Variants in FSTL5 observed in about 807,000 individuals in gnomAD.
FSTL5 encodes the protein follistatin like 5.
FSTL5 carries 62 observed loss-of-function variants against 89.1 expected under a neutral mutation model. That is an observed-to-expected ratio of 0.70 (90% CI 0.57 to 0.86). FSTL5 has a LOEUF of 0.86. Among genes scored for constraint, FSTL5 ranks in the 40% least tolerant of loss-of-function variants. FSTL5 has a pLI of 0.00. For missense variants in FSTL5, 1,057 were observed against 1,001.6 expected (o/e 1.06, Z -0.75); for synonymous variants, 383 against 346.2 (o/e 1.11, Z -1.18).
At chr4:161,490,311 G>A (rs984250093) in intron 12 of FSTL5, among the ~76,000 whole-genome samples, 1 of 152,066 alleles carries the variant, frequency 6.6e-6, no homozygotes. Flanking sequence ...TGACACATGA[G>A]TTCTGATAAC....
At chr4:161,472,155 T>G (rs1209617892) in intron 13 of FSTL5, among the ~76,000 whole-genome samples, 2 of 152,052 alleles carry the variant, frequency 1.3e-5, no homozygotes, top group African/African-American at 4.8e-5. Flanking sequence ...TTTTTTGTAT[T>G]TTTAATAGAG....
intron 8 of FSTL5, among the ~76,000 whole-genome samples, chr4:161,569,786 CACACACACACACA>C (rs1329567752): frequency 1.3e-5 from 2 of 151,338 alleles, no homozygotes; most frequent in African/African-American, 2.4e-5. Context: ...CACACACACA[CACACACACACACA>C]CCCCACATTG....
At chr4:161,762,447 T>C (rs927503907) in intron 5 of FSTL5, among the ~76,000 whole-genome samples, 1 of 152,218 alleles carries the variant, frequency 6.6e-6, no homozygotes, top group African/African-American at 2.4e-5. Context: ...AAAAACTCAC[T>C]GTAGACTTCT....
At chr4:161,403,692 T>C (rs1560877689) in intron 15 of FSTL5, among the ~76,000 whole-genome samples, 1 of 152,146 alleles carries the variant, frequency 6.6e-6, no homozygotes, top group Non-Finnish European at 1.5e-5. Context: ...ATTGGAAAAA[T>C]CATATGCCAA....
chr4:161,916,007 T>TA lies in FSTL5; in HGVS notation c.409+4396dup, dbSNP rs201755264. Among the ~76,000 whole-genome samples, 80 of 146,692 alleles carry TA rather than the reference T, an allele frequency of 5.5e-4. 1 individual carries two copies. The highest frequency in any genetic ancestry group is 2.8e-3 in the Admixed American group (41 of 14,636). ...AGCCTAAATTCTACAAGTTCCTTCT[T>TA]AAAAAAAAAAGAAAGAAGAAAAGAA... On this transcript the variant is annotated intron_variant, in intron 4 of 15. Coordinates refer to ENST00000306100, the MANE Select transcript of FSTL5 (RefSeq NM_020116.5).
Position 161,999,684 on chromosome 4 carries a change from A to G in FSTL5, c.160+33941T>C, listed in dbSNP as rs1344236430. 2.6e-5 allele frequency among the ~76,000 whole-genome samples: 4 copies of G among 152,362 alleles called. No homozygotes were observed. In the East Asian group the frequency reaches 7.7e-4, roughly 29 times the overall value. On this transcript the variant is annotated intron_variant, in intron 3 of 15. Coordinates refer to ENST00000306100, the MANE Select transcript of FSTL5 (RefSeq NM_020116.5). ...GATGTGGCTAAATTGTCACCATGAT[A>G]GCCAATAAATTTCATTTATACTTCA...
intron 3 of FSTL5, among the ~76,000 whole-genome samples, chr4:162,011,336 A>G (rs572805568): frequency 6.6e-6 from 1 of 152,138 alleles, no homozygotes; most frequent in African/African-American, 2.4e-5. Context: ...CCCACTCCCA[A>G]GATCAGATTT....
chr4:161,440,057 C>T (rs1387570358), intron 15 of FSTL5, among the ~76,000 whole-genome samples: 1 of 152,040 alleles, frequency 6.6e-6, no homozygotes, highest in African/African-American at 2.4e-5. Context: ...GATAAAATTA[C>T]TAGAGTCGTA....
chr4:161,709,703 C>T (rs758273011), intron 6 of FSTL5, among the ~76,000 whole-genome samples: 28 of 151,850 alleles, frequency 1.8e-4, no homozygotes, highest in African/African-American at 5.8e-4. Flanking sequence ...GAGTGAAGTG[C>T]GAGGATCACT....
At chr4:161,727,166 T>C (rs1739453941) in intron 6 of FSTL5, among the ~76,000 whole-genome samples, 1 of 152,200 alleles carries the variant, frequency 6.6e-6, no homozygotes, top group South Asian at 2.1e-4. Context: ...GCTGAACATT[T>C]ACCCAGGTGA....
chr4:161,471,913 AG>A (rs1383581293), intron 13 of FSTL5, among the ~76,000 whole-genome samples: 1 of 151,806 alleles, frequency 6.6e-6, no homozygotes, highest in African/African-American at 2.4e-5. Flanking sequence ...CATTCATTTT[AG>A]ATTTTATTAA....
At chr4:161,615,442 C>T (rs897940622) in intron 7 of FSTL5, among the ~76,000 whole-genome samples, 1 of 112,730 alleles carries the variant, frequency 8.9e-6, no homozygotes, top group African/African-American at 3.7e-5. Flanking sequence ...GAGACTCCAT[C>T]TCAAAAAAAA....
At chr4:161,966,369 T>C (rs899132642) in intron 3 of FSTL5, among the ~76,000 whole-genome samples, 2 of 152,210 alleles carry the variant, frequency 1.3e-5, no homozygotes, top group Admixed American at 6.6e-5. Context: ...TCAGGAAATC[T>C]TCTGTGAGAC....
At chr4:161,811,618 AGCC>A in intron 4 of FSTL5, among the ~76,000 whole-genome samples, 1 of 152,264 alleles carries the variant, frequency 6.6e-6, no homozygotes, top group South Asian at 2.1e-4. Flanking sequence ...TTTACCCAAA[AGCC>A]TACTTGTTGA....
intron 6 of FSTL5, among the ~76,000 whole-genome samples, chr4:161,757,209 G>C (rs1483938769): frequency 6.6e-6 from 1 of 152,040 alleles, no homozygotes; most frequent in East Asian, 1.9e-4. Context: ...TTGTCCTTAA[G>C]ATTAATTTAG....
chr4:162,095,053 T>C (rs1730697108), intron 2 of FSTL5, among the ~76,000 whole-genome samples: 1 of 152,124 alleles, frequency 6.6e-6, no homozygotes, highest in African/African-American at 2.4e-5. Context: ...TCTATTACAA[T>C]TCTTAAAAAA....
chr4:161,946,868 C>T (rs1056120619), intron 3 of FSTL5, among the ~76,000 whole-genome samples: 3 of 152,132 alleles, frequency 2.0e-5, no homozygotes, highest in African/African-American at 4.8e-5. Flanking sequence ...CATGTGAGTG[C>T]CACCTGTTAA....
At chr4:162,087,677 G>A (rs1392711218) in intron 2 of FSTL5, among the ~76,000 whole-genome samples, 1 of 152,092 alleles carries the variant, frequency 6.6e-6, no homozygotes, top group Non-Finnish European at 1.5e-5. Context: ...CGACTTTGTA[G>A]ATCGTTGTTG....
rs571726847 is a variant in FSTL5, at chr4:161,749,898, T to C, written c.727+9513A>G. ...AGGGGAGTGAGAGTTGAAAAATTAC[T>C]TATTTGGTAAAATCTTCCCTTTGGG... is the stretch of plus-strand genomic sequence containing the variant. On this transcript the variant is annotated intron_variant, in intron 6 of 15. Coordinates refer to ENST00000306100, the MANE Select transcript of FSTL5 (RefSeq NM_020116.5). 3.9e-5 allele frequency among the ~76,000 whole-genome samples: 6 copies of C among 152,146 alleles called. No individual in the cohort carries two copies. The East Asian group carries it at 1.2e-3, about 29-fold the overall frequency.
Sources: gnomAD v4.1 joint callset for allele counts (sites outside exome capture counted in the v4.1 genomes callset) on GRCh38, gnomAD v4.1.1 for gene constraint, MANE v1.5 for transcripts, NCBI Gene and HGNC (gene_info 2026-07-23, HGNC 2026-07-21) for gene names.